The following PSTPIP1 variants were observed in gnomAD, a reference collection of about 807,000 sequenced individuals.
PSTPIP1 encodes the protein proline-serine-threonine phosphatase-interacting protein 1.
PSTPIP1 carries 66 observed loss-of-function variants against 69.6 expected under a neutral mutation model. The observed-to-expected ratio is 0.95, with a 90% CI of 0.78 to 1.16. PSTPIP1 has a LOEUF of 1.16. Ranked by LOEUF, PSTPIP1 falls within the 50% of genes most tolerant of loss-of-function variation. The pLI, the probability that PSTPIP1 is intolerant of heterozygous loss-of-function variation, is 0.00. For missense variants in PSTPIP1, 603 were observed against 557.4 expected, an observed-to-expected ratio of 1.08 and a Z score of -0.82; for synonymous variants, 266 against 222.7, an observed-to-expected ratio of 1.19 and a Z score of -1.73.
At chr15:77,009,782 GCCAGAA>G (rs2075895655) in intron 1 of PSTPIP1, among the ~76,000 whole-genome samples, 1 of 152,194 alleles carries the variant, frequency 6.6e-6, no homozygotes, top group East Asian at 1.9e-4. Context: ...TGTGGAACTG[GCCAGAA>G]CCAGAACCCA....
At position 77,030,641 on chromosome 15, in the gene PSTPIP1, T is replaced by A. The variant is rs2076392174; in HGVS notation, c.642+60T>A. On this transcript the variant is annotated intron_variant, in intron 9 of 14. Coordinates refer to ENST00000558012, the MANE Select transcript of PSTPIP1 (RefSeq NM_003978.5). Reference sequence around the variant, plus strand: ...CTGGGAAGTGTGAGACGCCCATCCCTACTCCAGCTGCTTAAAGGGGCCCAA... The same window carrying A: ...CTGGGAAGTGTGAGACGCCCATCCCAACTCCAGCTGCTTAAAGGGGCCCAA... 10 of 1,490,376 alleles carry A rather than the reference T, an allele frequency of 6.7e-6. No individual in the cohort carries two copies. In the South Asian group the frequency reaches 1.2e-4, roughly 18 times the overall value. 92.3% of individuals were successfully genotyped at this position (1,490,376 alleles called of 1,614,324 possible).
intron 12 of PSTPIP1, among the ~76,000 whole-genome samples, chr15:77,034,053 G>T (rs997499142): frequency 5.9e-5 from 9 of 152,068 alleles, no homozygotes; most frequent in Non-Finnish European, 1.2e-4. Flanking sequence ...GAGAGAGAGA[G>T]ATGTCCTGCA....
At chr15:77,029,703 C>G in intron 8 of PSTPIP1, 129 bp downstream of exon 8, 3 of 1,089,838 alleles carry the variant, frequency 2.8e-6, no homozygotes, top group Non-Finnish European at 1.3e-6. Context: ...CGCTCTCATT[C>G]CAGATATGTG....
At chr15:77,008,275 G>A (rs1049826024) in intron 1 of PSTPIP1, among the ~76,000 whole-genome samples, 2 of 152,166 alleles carry the variant, frequency 1.3e-5, no homozygotes, top group African/African-American at 2.4e-5. Flanking sequence ...CCAGGACCAA[G>A]GGAAGACCAG....
At chr15:77,004,027 CT>C (rs2075767705) in intron 1 of PSTPIP1, among the ~76,000 whole-genome samples, 2 of 152,234 alleles carry the variant, frequency 1.3e-5, no homozygotes, top group South Asian at 2.1e-4. Context: ...AGAATCATTC[CT>C]TTGGTTTCAA....
intron 1 of PSTPIP1, among the ~76,000 whole-genome samples, chr15:77,014,801 C>T (rs1468309350): frequency 6.6e-6 from 1 of 152,260 alleles, no homozygotes; most frequent in African/African-American, 2.4e-5. Context: ...CAGAACAGGG[C>T]ACCCAGGCCT....
rs186871734 is a variant in PSTPIP1 at position 77,032,518 on chromosome 15, G to A, written c.838+124G>A. 1.2e-3 allele frequency: 1,256 copies of A among 1,042,526 alleles called. 10 individuals are homozygous for A. In the African/African-American group the frequency reaches 0.019, roughly 16 times the overall value. The allele number at this position is 1,042,526 out of a possible 1,614,324, so 64.6% of individuals were successfully genotyped here. The stretch of plus-strand genomic sequence containing the variant: ...TCACAGCTCCCTTCAGGGCAGAGAA[G>A]CCCTAGCAGGGGTTGTGGGGAGTTG... On this transcript the variant is annotated intron_variant, in intron 11 of 14. Transcript: ENST00000558012.
chr15:77,035,456 G>T, intron 12 of PSTPIP1, 52 bp from the exon 13 acceptor site: 6 of 1,527,546 alleles, frequency 3.9e-6, no homozygotes, highest in Non-Finnish European at 5.3e-6. Flanking sequence ...CCTCCTGGTG[G>T]GTCCCTGAGT....
chr15:77,035,797 C>T lies in PSTPIP1; in HGVS notation c.986-5C>T, dbSNP rs774782175. 3 of 1,605,310 alleles carry T rather than the reference C, an allele frequency of 1.9e-6. No homozygotes were observed. The highest frequency in any genetic ancestry group is 2.2e-5 in the East Asian group (1 of 44,848). On this transcript the variant is annotated splice_polypyrimidine_tract_variant and splice_region_variant and intron_variant, in intron 13 of 14. Transcript: ENST00000558012. ...GGAGGGGTCTATGTCTCACCCTGCT[C>T]TTAGCGTCCACAGAGACCCTGACCC... is the stretch of plus-strand genomic sequence containing the variant.
chr15:76,995,535 T>TGGCAG lies in PSTPIP1; in HGVS notation c.-37_-33dup. 1 of 1,613,672 alleles carries TGGCAG rather than the reference T, an allele frequency of 6.2e-7. No homozygotes were observed. Among genetic ancestry groups the TGGCAG allele is most frequent in the Non-Finnish European group, 8.5e-7 (1 of 1,179,850 alleles). On this transcript the variant is annotated 5_prime_UTR_variant, in exon 1 of 15. Coordinates refer to ENST00000558012, the MANE Select transcript of PSTPIP1 (RefSeq NM_003978.5). ...CCTGGCCCTCCATCAGGCCAGCCTG[T>TGGCAG]GGCAGGAGAGTGAGCTTTGCCGCGG...
At position 77,029,555 on chromosome 15, in the gene PSTPIP1, G is replaced by A. The variant is rs375950478; in HGVS notation, c.543G>A (p.Lys181=). The change falls in exon 8 of 15, where the codon AAG becomes AAA. Residue 181 remains lysine, a synonymous_variant. Coordinates refer to ENST00000558012, the MANE Select transcript of PSTPIP1 (RefSeq NM_003978.5). ...EKSQNKARQC[K]DSATEAERVY... ...GTCAGAACAAAGCCAGGCAGTGCAA[G>A]GACTCGGCCACCGAGGCAGGTATGT... is the stretch of plus-strand genomic sequence containing the variant. 1.2e-3 allele frequency: 1,886 copies of A among 1,584,092 alleles called. 10 individuals carry two copies. The highest frequency in any genetic ancestry group is 6.2e-3 in the Middle Eastern group (37 of 6,012).
chr15:77,030,785 G>A (rs899914205), intron 9 of PSTPIP1, among the ~76,000 whole-genome samples: 2 of 152,228 alleles, frequency 1.3e-5, no homozygotes, highest in Non-Finnish European at 2.9e-5. Flanking sequence ...GGGCCCCTTC[G>A]TTGCAGGCAG....
intron 3 of PSTPIP1, among the ~76,000 whole-genome samples, chr15:77,023,158 G>A (rs932237637): frequency 1.3e-5 from 2 of 152,256 alleles, no homozygotes; most frequent in Admixed American, 6.5e-5. Flanking sequence ...GGTGGGTTTG[G>A]GGTTGAGAAA....
intron 6 of PSTPIP1, 103 bp downstream of exon 6, chr15:77,028,017 T>TGACCTCAGCCTTGGTCCTCG: frequency 8.9e-7 from 1 of 1,118,522 alleles, no homozygotes; most frequent in Admixed American, 2.0e-5. Context: ...TGGAACAGGC[T>TGACCTCAGCCTTGGTCCTCG]GACCTCAGCC....
chr15:77,020,878 G>GA lies in PSTPIP1; in HGVS notation c.212+2347_212+2348insA, dbSNP rs1430053086. ...CATCTTAGACTCCTGTGGGGGGGGG[G>GA]GGTGTGTGTGTTGGCCCTCAGGAAA... On this transcript the variant is annotated intron_variant, in intron 3 of 14. Transcript: ENST00000558012. 2.9e-3 allele frequency among the ~76,000 whole-genome samples: 415 copies of GA among 144,352 alleles called. 7 individuals are homozygous for GA. The highest frequency in any genetic ancestry group is 0.022 in the East Asian group (107 of 4,930). 94.7% of individuals were successfully genotyped at this position (144,352 alleles called of 152,430 possible).
chr15:77,027,868 A>G lies in PSTPIP1; in HGVS notation c.371A>G (p.Asp124Gly). 6.4e-7 allele frequency: 1 copy of G among 1,569,188 alleles called. No homozygotes were observed. The highest frequency in any genetic ancestry group is 2.4e-5 in the East Asian group (1 of 42,018). Reference sequence around the variant, plus strand: ...CCCCTGCAGTATGAGGCCGTCATGGACCGGGTCCAGAAGAGCAAGCTGTCG... The same window carrying G: ...CCCCTGCAGTATGAGGCCGTCATGGGCCGGGTCCAGAAGAGCAAGCTGTCG... ...EQRKKYEAVM[D>G]RVQKSKLSLY... Residue 124 changes from aspartate to glycine, a missense_variant, in exon 6 of 15, where the codon GAC becomes GGC. Coordinates refer to ENST00000558012, the MANE Select transcript of PSTPIP1 (RefSeq NM_003978.5). This position sits in a 1 kb window ranked among gnomAD's most constrained non-coding sequence, Gnocchi z 4.3.
intron 14 of PSTPIP1, 30 bp from the exon 15 acceptor site, chr15:77,037,015 A>C (rs749932813): frequency 4.4e-6 from 7 of 1,606,534 alleles, no homozygotes; most frequent in South Asian, 1.1e-5. Flanking sequence ...AGGCCCTTCC[A>C]ACGTCATGCG....
chr15:76,995,393 T>C lies in PSTPIP1; in HGVS notation c.-181T>C. The C allele has an allele frequency of 2.1e-6, 3 of 1,448,164 alleles. No individual in the cohort carries two copies. Among genetic ancestry groups the C allele is most frequent in the Non-Finnish European group, 2.7e-6 (3 of 1,104,992 alleles). 89.7% of individuals were successfully genotyped at this position (1,448,164 alleles called of 1,614,324 possible). A position where few individuals can be genotyped will look rare whatever the true frequency, so the allele number is the denominator to read the frequency against. On this transcript the variant is annotated 5_prime_UTR_variant, in exon 1 of 15. Transcript: ENST00000558012. ...CCCAAACAAAACAGGTTGAGCTTTT[T>C]CCTCCCCTCAGAAGCTCCTCTCTGG...
At chr15:77,035,386 G>A (rs2076534345) in intron 12 of PSTPIP1, 122 bp from the exon 13 acceptor site, 1 of 1,046,984 alleles carries the variant, frequency 9.6e-7, no homozygotes, top group Non-Finnish European at 1.4e-6. Context: ...GGAGGCTAGG[G>A]GCAGTCCCAG....
Sources: gnomAD v4.1 joint callset for allele counts (sites outside exome capture counted in the v4.1 genomes callset) on GRCh38, gnomAD v4.1.1 for gene constraint, Gnocchi (gnomAD v3.1) non-coding constraint, MANE v1.5 for transcripts, NCBI Gene and HGNC (gene_info 2026-07-23, HGNC 2026-07-21) for gene names.